MICU3: variants seen among roughly 807,000 people sequenced by gnomAD.
MICU3 encodes mitochondrial calcium uptake 3.
MICU3 carries 62 observed loss-of-function variants against 66.5 expected under a neutral mutation model. That is an observed-to-expected ratio of 0.93 (90% CI 0.76 to 1.15). The LOEUF (loss-of-function observed/expected upper bound fraction) is 1.15, where lower values mean the gene tolerates loss of function less well. MICU3 is among the 50% of genes most tolerant of loss of function. The probability of loss-of-function intolerance (pLI) is 0.00; values close to 1 mark genes in which losing one functional copy is unlikely to be tolerated. For synonymous variants in MICU3, 308 were observed against 240.7 expected, an observed-to-expected ratio of 1.28 and a Z score of -2.59; for missense variants, 779 against 664.4, an observed-to-expected ratio of 1.17 and a Z score of -1.90.
intron 9 of MICU3, among the ~76,000 whole-genome samples, chr8:17,103,308 T>C (rs912882961): frequency 1.3e-5 from 2 of 151,942 alleles, no homozygotes; most frequent in African/African-American, 4.8e-5. Context: ...TATGGGTGAA[T>C]GAGACTTTTG....
chr8:17,116,483 A>C lies in MICU3; in HGVS notation c.1407A>C (p.Lys469Asn), dbSNP rs1290632302. The change falls in exon 13 of 15, where the codon AAA becomes AAC. Residue 469 changes from lysine to asparagine, a missense_variant. By Grantham distance (94) the Lys-to-Asn change is moderately conservative. Transcript: ENST00000318063. ...CCGTCTATGTAGCTACTGGACTCAA[A>C]TTTTCACCACATTTAGTGAACACTG... Reference protein sequence around the residue: ...KRAVYVATGLKFSPHLVNTVF... With the variant: ...KRAVYVATGLNFSPHLVNTVF... 1.9e-6 allele frequency: 3 copies of C among 1,544,932 alleles called. No individual in the cohort carries two copies. Among genetic ancestry groups the C allele is most frequent in the Non-Finnish European group, 2.6e-6 (3 of 1,152,932 alleles).
intron 1 of MICU3, among the ~76,000 whole-genome samples, chr8:17,062,145 C>A (rs1397783554): frequency 6.6e-6 from 1 of 152,166 alleles, no homozygotes; most frequent in Admixed American, 6.5e-5. Flanking sequence ...GAATATGAAT[C>A]CTCTGCCCAG....
At chr8:17,031,262 T>TTTTTTTTATTATTATTA (rs111800861) in intron 1 of MICU3, among the ~76,000 whole-genome samples, 3 of 139,194 alleles carry the variant, frequency 2.2e-5, no homozygotes, top group Admixed American at 7.3e-5. Flanking sequence ...TGCCACTTCA[T>TTTTTTTTATTATTATTA]TTATTATTAT....
At chr8:17,133,388 T>C in the MICU3 span, among the ~76,000 whole-genome samples, 1 of 152,248 alleles carries the variant, frequency 6.6e-6, no homozygotes, top group Non-Finnish European at 1.5e-5. Flanking sequence ...TTGCCACATA[T>C]ATTTTTTTAA....
intron 11 of MICU3, among the ~76,000 whole-genome samples, chr8:17,110,062 T>A (rs1201102714): frequency 1.3e-5 from 2 of 152,194 alleles, no homozygotes; most frequent in Non-Finnish European, 2.9e-5. Flanking sequence ...TTGAACAGTA[T>A]ATATTGTGGC....
At chr8:17,056,516 G>C (rs1455724452) in intron 1 of MICU3, among the ~76,000 whole-genome samples, 1 of 152,126 alleles carries the variant, frequency 6.6e-6, no homozygotes, top group East Asian at 1.9e-4. Context: ...TTTCTTGCAA[G>C]AACTTATGGC....
At chr8:17,036,731 A>C (rs1421992290) in intron 1 of MICU3, among the ~76,000 whole-genome samples, 1 of 152,164 alleles carries the variant, frequency 6.6e-6, no homozygotes, top group African/African-American at 2.4e-5. Flanking sequence ...TCCCCACCAG[A>C]CTCAGGAGCC....
chr8:17,095,200 C>G (rs901671316), intron 8 of MICU3, among the ~76,000 whole-genome samples: 2 of 151,864 alleles, frequency 1.3e-5, no homozygotes, highest in Non-Finnish European at 2.9e-5. Flanking sequence ...TTGTTTGTTT[C>G]TGCTGGCTCT....
intron 11 of MICU3, among the ~76,000 whole-genome samples, chr8:17,107,933 A>G (rs183269222): frequency 2.5e-3 from 378 of 152,292 alleles, no homozygotes; most frequent in African/African-American, 8.7e-3. Flanking sequence ...CTTTGAAAGG[A>G]AGAGACAGGT....
At position 17,114,074 on chromosome 8, in the gene MICU3, A is replaced by G; in HGVS notation, c.1258-19A>G. 1 of 1,532,276 alleles carries G rather than the reference A, an allele frequency of 6.5e-7. No individual in the cohort carries two copies. Among genetic ancestry groups the G allele is most frequent in the Non-Finnish European group, 8.9e-7 (1 of 1,117,876 alleles). 94.9% of individuals were successfully genotyped at this position (1,532,276 alleles called of 1,614,324 possible). On this transcript the variant is annotated intron_variant, in intron 11 of 14. Transcript: ENST00000318063. Reference sequence around the variant, plus strand: ...ATTTGGCAATACTAAATGTATTTTCATTTCCTTTCCCAATATAGGGCATCA... The same window carrying G: ...ATTTGGCAATACTAAATGTATTTTCGTTTCCTTTCCCAATATAGGGCATCA...
rs1280162495 is a variant in MICU3, at chr8:17,063,311, T to C, written c.382-773T>C. On this transcript the variant is annotated intron_variant, in intron 1 of 14. Coordinates refer to ENST00000318063, the MANE Select transcript of MICU3 (RefSeq NM_181723.3). ...AAAGATCAGGTTATTGAAGCATGTA[T>C]GGTAAAATCCCACTTTTTTGCCAAA... 2.6e-5 allele frequency among the ~76,000 whole-genome samples: 4 copies of C among 152,178 alleles called. No individual in the cohort carries two copies. The East Asian group carries it at 7.7e-4, about 29-fold the overall frequency.
chr8:17,094,272 T>C (rs913660246), intron 8 of MICU3, among the ~76,000 whole-genome samples: 9 of 152,154 alleles, frequency 5.9e-5, no homozygotes, highest in African/African-American at 1.9e-4. Context: ...CTTTCAAGCA[T>C]TGTGGTCTGT....
rs1473299313 is a variant in MICU3, at chr8:17,087,106, A to G, written c.849+71A>G. On this transcript the variant is annotated intron_variant, in intron 7 of 14. Transcript: ENST00000318063. ...ATTATTTTATTCATGTTAAGAAACAATAATTAAAGTTTGTAACTTTGAAGC... is the reference window on the plus strand; with the variant it reads ...ATTATTTTATTCATGTTAAGAAACAGTAATTAAAGTTTGTAACTTTGAAGC... 21 of 1,032,070 alleles carry G rather than the reference A, an allele frequency of 2.0e-5. No homozygotes were observed. The East Asian group carries it at 4.5e-4, about 22-fold the overall frequency. The allele number at this position is 1,032,070 out of a possible 1,614,324, so 63.9% of individuals were successfully genotyped here.
chr8:17,035,361 C>T (rs985493874), intron 1 of MICU3, among the ~76,000 whole-genome samples: 2 of 152,160 alleles, frequency 1.3e-5, no homozygotes, highest in African/African-American at 4.8e-5. Flanking sequence ...GAGGTTGGAA[C>T]AGTTTGGAGG....
At chr8:17,076,482 C>T (rs1273600628) in intron 3 of MICU3, among the ~76,000 whole-genome samples, 2 of 152,106 alleles carry the variant, frequency 1.3e-5, no homozygotes. Flanking sequence ...TGATTATCTG[C>T]TGGCATCTTT....
intron 2 of MICU3, among the ~76,000 whole-genome samples, chr8:17,066,517 C>CTATATATATATATATATATATA (rs71212675): frequency 1.3e-4 from 14 of 105,032 alleles, no homozygotes; most frequent in African/African-American, 4.9e-4. Context: ...TGTTAATAAT[C>CTATATATATATATATATATATA]TATATATATA....
intron 1 of MICU3, among the ~76,000 whole-genome samples, 183 bp downstream of exon 1, chr8:17,027,843 C>G (rs1007078844): frequency 6.6e-6 from 1 of 152,170 alleles, no homozygotes; most frequent in African/African-American, 2.4e-5. Context: ...TTGGGAAGAC[C>G]AGTGATGCTG....
At chr8:17,117,578 C>T (rs1410179369) in intron 13 of MICU3, among the ~76,000 whole-genome samples, 2 of 150,552 alleles carry the variant, frequency 1.3e-5, no homozygotes, top group Admixed American at 6.6e-5. Flanking sequence ...TCAATCTTCC[C>T]TCTTGCAAGA....
the MICU3 span, chr8:17,132,110 T>C: frequency 1.3e-5 from 2 of 152,236 alleles, no homozygotes; most frequent in Admixed American, 6.5e-5. Context: ...ACAGTTCCAC[T>C]GGATAGTCTG....
Sources: gnomAD v4.1 joint callset for allele counts (sites outside exome capture counted in the v4.1 genomes callset) on GRCh38, gnomAD v4.1.1 for gene constraint, MANE v1.5 for transcripts, NCBI Gene and HGNC (gene_info 2026-07-23, HGNC 2026-07-21) for gene names.